The following RGS6 variants were observed in gnomAD, a reference collection of about 807,000 sequenced individuals.
RGS6 encodes regulator of G-protein signaling 6.
In RGS6, 30 loss-of-function variants were observed where a neutral mutation model predicts 78.5. The observed-to-expected ratio is 0.38, with a 90% CI of 0.29 to 0.52. The LOEUF is 0.52. RGS6 is among the 20% of genes least tolerant of loss of function. RGS6 has a pLI of 0.85. For missense variants in RGS6, 495 were observed against 609.7 expected (o/e 0.81, Z 1.98); for synonymous variants, 206 against 206.0 (o/e 1.00, Z 0.00).
intron 2 of RGS6, among the ~76,000 whole-genome samples, chr14:71,980,820 T>C (rs2094412554): frequency 1.0e-5 from 1 of 96,712 alleles, no homozygotes. Context: ...CCTTGCTAGA[T>C]TGGGGAAGTT....
chr14:72,154,891 A>G (rs1167544046), intron 2 of RGS6, among the ~76,000 whole-genome samples: 2 of 152,210 alleles, frequency 1.3e-5, no homozygotes, highest in African/African-American at 2.4e-5. Context: ...CAGCATGACC[A>G]TGTTCCCAAG....
the RGS6 span, among the ~76,000 whole-genome samples, chr14:72,602,105 T>C: frequency 6.6e-6 from 1 of 152,220 alleles, no homozygotes; most frequent in African/African-American, 2.4e-5. Context: ...AAAGGCAAGA[T>C]AGAAGATGGC....
downstream of RGS6, among the ~76,000 whole-genome samples, chr14:72,569,082 C>T (rs1006630531): frequency 6.6e-6 from 1 of 151,466 alleles, no homozygotes; most frequent in Non-Finnish European, 1.5e-5. Context: ...TGAATATTAA[C>T]ACAGGGAGGA....
At chr14:71,932,276 G>T (rs1020453920), upstream of RGS6, among the ~76,000 whole-genome samples, 1 of 151,680 alleles carries the variant, frequency 6.6e-6, no homozygotes, top group Non-Finnish European at 1.5e-5. Flanking sequence ...TCAGGTGCCG[G>T]TCCCCGCCCG....
intron 2 of RGS6, among the ~76,000 whole-genome samples, chr14:72,067,841 C>T (rs1189613516): frequency 6.6e-6 from 1 of 152,136 alleles, no homozygotes; most frequent in Non-Finnish European, 1.5e-5. Flanking sequence ...TATTTTGCCA[C>T]CGTGAGGATG....
intron 3 of RGS6, among the ~76,000 whole-genome samples, chr14:72,450,918 T>C (rs886482381): frequency 6.6e-6 from 1 of 152,216 alleles, no homozygotes; most frequent in Non-Finnish European, 1.5e-5. Context: ...GGACGCGATA[T>C]TATGACAGAT....
chr14:71,921,302 TA>T, the RGS6 span, among the ~76,000 whole-genome samples: 10 of 150,702 alleles, frequency 6.6e-5, no homozygotes, highest in South Asian at 2.1e-4. Context: ...CCCCAAAGAT[TA>T]AAAAAAAGGG....
At chr14:72,495,630 G>A (rs1318186195) in intron 13 of RGS6, among the ~76,000 whole-genome samples, 3 of 152,138 alleles carry the variant, frequency 2.0e-5, no homozygotes, top group South Asian at 2.1e-4. Flanking sequence ...TGCAGTAAGT[G>A]TCTCTCACTG....
chr14:72,034,079 C>T (rs2091322027), intron 2 of RGS6, among the ~76,000 whole-genome samples: 1 of 152,082 alleles, frequency 6.6e-6, no homozygotes, highest in Non-Finnish European at 1.5e-5. Flanking sequence ...TGTCTCTATT[C>T]TTCAAGTCCT....
chr14:72,595,250 T>C, the RGS6 span: 1 of 152,150 alleles, frequency 6.6e-6, no homozygotes, highest in East Asian at 1.9e-4. Flanking sequence ...GAATGTGTCA[T>C]ATGCATCCTC....
intron 2 of RGS6, among the ~76,000 whole-genome samples, chr14:72,150,679 C>T (rs1336388365): frequency 6.6e-6 from 1 of 151,986 alleles, no homozygotes; most frequent in Non-Finnish European, 1.5e-5. Context: ...CTACATACTT[C>T]TAAACAACCA....
chr14:72,466,197 C>A (rs2095906784), intron 7 of RGS6, among the ~76,000 whole-genome samples: 1 of 152,132 alleles, frequency 6.6e-6, no homozygotes, highest in South Asian at 2.1e-4. Flanking sequence ...TGTTACATAC[C>A]TATTAGAATG....
At chr14:72,039,221 A>G (rs1035037737) in intron 2 of RGS6, among the ~76,000 whole-genome samples, 3 of 152,236 alleles carry the variant, frequency 2.0e-5, no homozygotes, top group Admixed American at 6.5e-5. Flanking sequence ...GGAAAAGTCA[A>G]TTATGCATTA....
At chr14:72,320,380 C>T (rs1234623276) in intron 2 of RGS6, among the ~76,000 whole-genome samples, 2 of 152,140 alleles carry the variant, frequency 1.3e-5, no homozygotes, top group African/African-American at 4.8e-5. Flanking sequence ...AGATCGAGAC[C>T]ATCCTGGCTA....
intron 2 of RGS6, among the ~76,000 whole-genome samples, chr14:72,223,230 C>G (rs868733504): frequency 1.3e-5 from 2 of 152,290 alleles, no homozygotes; most frequent in South Asian, 4.2e-4. Context: ...ATAACACAAC[C>G]TGGCAGCAAT....
the RGS6 span, among the ~76,000 whole-genome samples, chr14:72,617,865 A>G: frequency 6.6e-6 from 1 of 152,116 alleles, no homozygotes; most frequent in African/African-American, 2.4e-5. Flanking sequence ...CTGATTTCAG[A>G]GAAGCCAAGC....
chr14:71,995,939 G>A (rs2095182397), intron 2 of RGS6, among the ~76,000 whole-genome samples: 2 of 152,102 alleles, frequency 1.3e-5, no homozygotes, highest in African/African-American at 2.4e-5. Flanking sequence ...TGGCTGCCGA[G>A]TCCCCTGTGC....
At chr14:72,252,023 G>T (rs972153010) in intron 2 of RGS6, among the ~76,000 whole-genome samples, 4 of 152,170 alleles carry the variant, frequency 2.6e-5, no homozygotes, top group African/African-American at 9.7e-5. Flanking sequence ...TATGCCATTG[G>T]AGTGAAGACT....
chr14:72,451,410 G>C (rs1436713056), intron 3 of RGS6, among the ~76,000 whole-genome samples: 2 of 152,176 alleles, frequency 1.3e-5, no homozygotes, highest in South Asian at 2.1e-4. Context: ...CTGGTGGACT[G>C]GGGAGAACAA....
Sources: gnomAD v4.1 joint callset for allele counts (sites outside exome capture counted in the v4.1 genomes callset) on GRCh38, gnomAD v4.1.1 for gene constraint, MANE v1.5 for transcripts, NCBI Gene and HGNC (gene_info 2026-07-23, HGNC 2026-07-21) for gene names.